Variants in SORCS1 observed in about 807,000 individuals in gnomAD.
SORCS1 encodes sortilin related VPS10 domain containing receptor 1, also known as VPS10 domain-containing receptor SorCS1.
Under a neutral mutation model 146.1 loss-of-function variants are expected in SORCS1, and 60 were observed. The ratio of observed to expected loss-of-function variants is 0.41; its 90% CI spans 0.33 to 0.51. The LOEUF is 0.51. Ranked by LOEUF, SORCS1 falls within the 20% of genes least tolerant of loss-of-function variation. The pLI is 0.21. For missense variants in SORCS1, 1,352 were observed against 1,487.6 expected (o/e 0.91, Z 1.50); for synonymous variants, 637 against 584.0 (o/e 1.09, Z -1.31).
rs192984611 is a variant in SORCS1, at chr10:106,764,848, T to C, written c.886-3187A>G. Among the ~76,000 whole-genome samples the C allele has an allele frequency of 2.0e-3, 304 of 151,654 alleles. 7 individuals carry two copies. In the East Asian group the frequency reaches 0.046, roughly 23 times the overall value. On this transcript the variant is annotated intron_variant, in intron 4 of 25. Transcript: ENST00000263054. Reference sequence around the variant, plus strand: ...ACCATCCTGGCTAACACGGTGAAACTCCGTCTCTACTAAAAATACAAAAAA... The same window carrying C: ...ACCATCCTGGCTAACACGGTGAAACCCCGTCTCTACTAAAAATACAAAAAA...
intron 1 of SORCS1, among the ~76,000 whole-genome samples, chr10:106,989,922 G>A (rs993817670): frequency 1.3e-5 from 2 of 151,768 alleles, no homozygotes; most frequent in Non-Finnish European, 1.5e-5. Flanking sequence ...TCATGACCTC[G>A]AGATCCACCT....
At chr10:107,118,512 G>A (rs1966190005) in intron 1 of SORCS1, among the ~76,000 whole-genome samples, 1 of 152,044 alleles carries the variant, frequency 6.6e-6, no homozygotes, top group African/African-American at 2.4e-5. Context: ...TTCCTCCACT[G>A]ATTTATCTAA....
intron 3 of SORCS1, among the ~76,000 whole-genome samples, chr10:106,785,459 A>G (rs976621842): frequency 2.0e-5 from 3 of 152,178 alleles, no homozygotes; most frequent in African/African-American, 7.2e-5. Flanking sequence ...TACATGTAAT[A>G]CATTTGTTTA....
intron 2 of SORCS1, among the ~76,000 whole-genome samples, chr10:106,879,147 CAAAA>C (rs34140161): frequency 7.4e-6 from 1 of 135,966 alleles, no homozygotes; most frequent in Admixed American, 7.5e-5. Flanking sequence ...GAGACTCCAT[CAAAA>C]AAAAAAAAAA....
At chr10:106,656,530 C>T (rs996214519) in intron 17 of SORCS1, among the ~76,000 whole-genome samples, 23 of 151,606 alleles carry the variant, frequency 1.5e-4, no homozygotes, top group Admixed American at 9.9e-4. Context: ...CACTCCCGAG[C>T]GAGATTCTTT....
intron 2 of SORCS1, among the ~76,000 whole-genome samples, chr10:106,928,747 GGAGA>G (rs1953223736): frequency 6.6e-6 from 1 of 152,102 alleles, no homozygotes; most frequent in African/African-American, 2.4e-5. Context: ...TCCCGGGAAG[GGAGA>G]AAGAGGAGTA....
chr10:106,703,116 G>A (rs956352422), intron 8 of SORCS1, among the ~76,000 whole-genome samples: 1 of 151,208 alleles, frequency 6.6e-6, no homozygotes, highest in African/African-American at 2.4e-5. Flanking sequence ...GGATTACTAA[G>A]GACATTTTAT....
At chr10:106,791,521 G>A (rs976636104) in intron 3 of SORCS1, among the ~76,000 whole-genome samples, 15 of 152,084 alleles carry the variant, frequency 9.9e-5, no homozygotes, top group Non-Finnish European at 2.2e-4. Context: ...CCAACACTGT[G>A]AAACTCTCTC....
At chr10:106,629,690 G>C (rs1848320017) in intron 18 of SORCS1, among the ~76,000 whole-genome samples, 2 of 152,346 alleles carry the variant, frequency 1.3e-5, no homozygotes, top group East Asian at 3.9e-4. Context: ...TTCCTCCAAA[G>C]GCTTTGGTAA....
chr10:107,030,067 T>C (rs1958581392), intron 1 of SORCS1, among the ~76,000 whole-genome samples: 1 of 152,122 alleles, frequency 6.6e-6, no homozygotes, highest in East Asian at 1.9e-4. Flanking sequence ...GTTCTAAAAG[T>C]ATTTTAACCG....
At chr10:107,042,165 G>A (rs1203509667) in intron 1 of SORCS1, among the ~76,000 whole-genome samples, 5 of 152,096 alleles carry the variant, frequency 3.3e-5, no homozygotes, top group African/African-American at 7.2e-5. Context: ...AGACAGCCAC[G>A]GATCTCCTGT....
chr10:107,142,099 T>C (rs1967895040), intron 1 of SORCS1, among the ~76,000 whole-genome samples: 1 of 152,224 alleles, frequency 6.6e-6, no homozygotes, highest in Admixed American at 6.5e-5. Context: ...GGCTTTCCTA[T>C]TCAATTCTAG....
intron 1 of SORCS1, among the ~76,000 whole-genome samples, chr10:106,968,175 A>G (rs984004440): frequency 6.6e-6 from 1 of 151,968 alleles, no homozygotes; most frequent in Admixed American, 6.6e-5. Context: ...GCGCCACTGC[A>G]CTCCAGCCTG....
intron 6 of SORCS1, among the ~76,000 whole-genome samples, chr10:106,717,701 C>A (rs1462165628): frequency 6.6e-6 from 1 of 152,152 alleles, no homozygotes. Flanking sequence ...TAGGTTGGTG[C>A]AAAAAGTAAC....
At chr10:106,926,824 TATATACACAC>T (rs1286559184) in intron 2 of SORCS1, among the ~76,000 whole-genome samples, 1 of 14,534 alleles carries the variant, frequency 6.9e-5, no homozygotes, top group Non-Finnish European at 3.6e-4. Context: ...CTAAGGAATA[TATATACACAC>T]ACACACACAC....
Position 106,776,629 on chromosome 10 carries a change from T to G in SORCS1, c.790A>C (p.Thr264Pro). ...SLLISSDEGA[T>P]YQKYRLNFYI... Reference sequence around the variant, plus strand: ...AAGTTCAGCCGGTACTTTTGATAAGTTGCCCCTTCATCTGAGCTGATCAAT... The same window carrying G: ...AAGTTCAGCCGGTACTTTTGATAAGGTGCCCCTTCATCTGAGCTGATCAAT... Residue 264 changes from threonine to proline, a missense_variant, in exon 4 of 26, where the codon ACT (threonine) becomes CCT (proline). By Grantham distance (38) the Thr-to-Pro change is conservative. Transcript: ENST00000263054. The G allele has an allele frequency of 1.2e-6, 2 of 1,614,098 alleles. No homozygotes were observed. Among genetic ancestry groups the G allele is most frequent in the Non-Finnish European group, 1.7e-6 (2 of 1,179,956 alleles).
intron 1 of SORCS1, among the ~76,000 whole-genome samples, chr10:107,102,369 A>G (rs7907690): frequency 0.59 from 90,035 of 151,994 alleles, 28,642 homozygotes; most frequent in African/African-American, 0.81. Context: ...ACCTCTGGAT[A>G]TAGGGAAGTC....
At position 106,886,757 on chromosome 10, in the gene SORCS1, C is replaced by T. The variant is rs115406667; in HGVS notation, c.627-57084G>A. 8.3e-3 allele frequency among the ~76,000 whole-genome samples: 1,263 copies of T among 152,296 alleles called. 29 individuals carry two copies. Among genetic ancestry groups the T allele is most frequent in the African/African-American group, 0.029 (1,215 of 41,564 alleles). ...TTCTAGAATCCAGACCCTATAATGC[C>T]ATAAAGCTCAGACAGATTTAAGTGG... On this transcript the variant is annotated intron_variant, in intron 2 of 25. Transcript: ENST00000263054.
At chr10:106,734,544 G>C (rs970077178) in intron 5 of SORCS1, among the ~76,000 whole-genome samples, 10 of 152,152 alleles carry the variant, frequency 6.6e-5, no homozygotes, top group Non-Finnish European at 1.3e-4. Context: ...GCCACAGATA[G>C]ATTAGCAAAA....
Sources: gnomAD v4.1 joint callset for allele counts (sites outside exome capture counted in the v4.1 genomes callset) on GRCh38, gnomAD v4.1.1 for gene constraint, MANE v1.5 for transcripts, NCBI Gene and HGNC (gene_info 2026-07-23, HGNC 2026-07-21) for gene names.